MEF2D: variants seen among roughly 807,000 people sequenced by gnomAD.
The protein encoded by MEF2D is myocyte-specific enhancer factor 2D.
In MEF2D, 10 loss-of-function variants were observed where a neutral mutation model predicts 59.3. The ratio of observed to expected loss-of-function variants is 0.17; its 90% confidence interval spans 0.10 to 0.29. The LOEUF (loss-of-function observed/expected upper bound fraction) is 0.29, where lower values mean the gene tolerates loss of function less well. Ranked by LOEUF, MEF2D falls within the 10% of genes least tolerant of loss-of-function variation. MEF2D has a pLI of 1.00. For synonymous variants in MEF2D, 305 were observed against 295.0 expected (o/e 1.03, Z -0.35); for missense variants, 508 against 699.4 (o/e 0.73, Z 3.09).
rs1211510005 is a variant in MEF2D at position 156,479,604 on chromosome 1, G to C, written c.589C>G (p.Gln197Glu). 1 of 1,551,880 alleles carries C rather than the reference G, an allele frequency of 6.4e-7. No homozygotes were observed. Among genetic ancestry groups the C allele is most frequent in the South Asian group, 1.2e-5 (1 of 84,086 alleles). Residue 197 changes from glutamine (Q) to glutamate (E), a missense_variant, in exon 5 of 12, where the codon CAG becomes GAG. Gln to Glu is a conservative substitution (Grantham distance 29). Transcript: ENST00000348159. ...CACTCACCCGCACTAGCTGGCCGCT[G>C]GGGCAGGCCAGGAGACACACTGTTC... Reference protein sequence around the residue: ...QRNSVSPGLPQRPASAGAMLG... With the variant: ...QRNSVSPGLPERPASAGAMLG...
At chr1:156,482,350 G>T in intron 3 of MEF2D, 87 bp downstream of exon 3, 1 of 1,376,638 alleles carries the variant, frequency 7.3e-7, no homozygotes, top group Non-Finnish European at 1.0e-6. Context: ...GTGTGCATAG[G>T]CAGGTCTGCG....
In MEF2D at chr1:156,476,505, G is replaced by A. The variant is rs1303222348; in HGVS notation, c.865C>T (p.His289Tyr). 3 of 1,611,980 alleles carry A rather than the reference G, an allele frequency of 1.9e-6. No individual in the cohort carries two copies. Among genetic ancestry groups the A allele is most frequent in the East Asian group, 2.2e-5 (1 of 44,860 alleles). Residue 289 changes from histidine (H) to tyrosine (Y), a missense_variant, in exon 8 of 12, where the codon CAT becomes TAT. By Grantham distance (83) the His-to-Tyr change is moderately conservative. Coordinates refer to ENST00000348159, the MANE Select transcript of MEF2D (RefSeq NM_005920.4). Reference protein sequence around the residue: ...KGLMHHLTEDHLDLNNAQRLG... With the variant: ...KGLMHHLTEDYLDLNNAQRLG... The stretch of plus-strand genomic sequence containing the variant: ...ACAGCCTCACTTACCAGATCTAAAT[G>A]GTCCTCAGTCTGAGAGCAGAAATAA...
intron 1 of MEF2D, among the ~76,000 whole-genome samples, chr1:156,489,165 C>T (rs1672575734): frequency 6.6e-6 from 1 of 152,158 alleles, no homozygotes; most frequent in African/African-American, 2.4e-5. Context: ...TCTCTTCCTC[C>T]CAGGCTGCTC....
chr1:156,468,818 T>C lies in MEF2D; in HGVS notation c.1209A>G (p.Gln403=), dbSNP rs1671037453. ...QPQQPQQPPQ[Q]QSHLVPVSLS... is the part of the protein sequence containing the mutation. ...GAGATACAGGGACCAGGTGGGACTG[T>C]TGCTGAGGTGGCTGTTGCGGCTGCT... The change falls in exon 10 of 12, where the codon CAA becomes CAG. Residue 403 remains glutamine (Q), a synonymous_variant. Transcript: ENST00000348159. The surrounding 1 kb of genome is among the most constrained non-coding windows in gnomAD (Gnocchi z 4.3). 5 of 1,614,028 alleles carry C rather than the reference T, an allele frequency of 3.1e-6. No homozygotes were observed. The highest frequency in any genetic ancestry group is 1.7e-5 in the Admixed American group (1 of 59,998).
chr1:156,498,210 G>C (rs930724271), intron 1 of MEF2D, among the ~76,000 whole-genome samples: 1 of 151,924 alleles, frequency 6.6e-6, no homozygotes, highest in Admixed American at 6.5e-5. Flanking sequence ...GAGCCAAGGG[G>C]GCAGAGCCAG....
intron 1 of MEF2D, among the ~76,000 whole-genome samples, chr1:156,500,041 AG>A (rs1231950374): frequency 1.3e-5 from 2 of 152,026 alleles, no homozygotes; most frequent in African/African-American, 2.4e-5. Flanking sequence ...TTTCGGGCCA[AG>A]GAGGAGGGAA....
Position 156,467,962 on chromosome 1 carries a change from C to A in MEF2D, c.1554+31G>T, listed in dbSNP as rs28730739. 5.6e-3 allele frequency: 8,953 copies of A among 1,590,540 alleles called. 441 individuals carry two copies. The African/African-American group carries it at 0.1, about 18-fold the overall frequency. On this transcript the variant is annotated intron_variant, in intron 11 of 11. Transcript: ENST00000348159. ...GGGCAGTCCCTGGGTGTAGCAGACA[C>A]TGGCAGACAGGAGAGGTGATGCTAC...
rs766754253 is a variant in MEF2D, at chr1:156,482,521, G to A, written c.174C>T (p.Ala58=). 3.1e-6 allele frequency: 5 copies of A among 1,614,242 alleles called. No individual in the cohort carries two copies. Among genetic ancestry groups the A allele is most frequent in the Non-Finnish European group, 4.2e-6 (5 of 1,180,048 alleles). The part of the protein sequence containing the change: ...FNHSNKLFQY[A]STDMDKVLLK... ...GCAGCACCTTGTCCATGTCGGTGCT[G>A]GCGTACTGGAACAGCTTGTTGGAGT... Residue 58 remains alanine (A), a synonymous_variant, in exon 3 of 12, where the codon GCC becomes GCT. Transcript: ENST00000348159.
At chr1:156,482,286 T>C in intron 3 of MEF2D, 151 bp downstream of exon 3, 6 of 802,526 alleles carry the variant, frequency 7.5e-6, no homozygotes, top group Non-Finnish European at 1.0e-5. Flanking sequence ...AGAAGGAGGG[T>C]TTGCATGTGT....
At position 156,467,440 on chromosome 1, in the gene MEF2D, CT is replaced by C. The variant is rs1216542224; in HGVS notation, c.*204del. 4.3e-6 allele frequency: 1 copy of C among 230,410 alleles called. No homozygotes were observed. The highest frequency in any genetic ancestry group is 8.4e-6 in the Non-Finnish European group (1 of 119,032). The allele number at this position is 230,410 out of a possible 1,614,324, so 14.3% of individuals were successfully genotyped here. On this transcript the variant is annotated 3_prime_UTR_variant, in exon 12 of 12. Transcript: ENST00000348159. ...AGAAAGAGGGGATGAGAGCATCCCC[CT>C]CTCCAAAGCGAGAATCCAAATTAAA...
intron 1 of MEF2D, among the ~76,000 whole-genome samples, chr1:156,488,434 C>G (rs1313037812): frequency 6.6e-6 from 1 of 152,152 alleles, no homozygotes; most frequent in East Asian, 1.9e-4. Flanking sequence ...AAATGGACAG[C>G]AGGGAGGATG....
intron 1 of MEF2D, among the ~76,000 whole-genome samples, chr1:156,491,369 G>T (rs1362799031): frequency 1.3e-5 from 2 of 152,186 alleles, no homozygotes; most frequent in Non-Finnish European, 2.9e-5. Flanking sequence ...AGGGAGATCA[G>T]AATTGTGTAA....
rs1355355016 is a variant in MEF2D, at chr1:156,468,651, CTG to C, written c.1247+127_1247+128del. 1 of 1,446,810 alleles carries C rather than the reference CTG, an allele frequency of 6.9e-7. No homozygotes were observed. The highest frequency in any genetic ancestry group is 1.3e-5 in the South Asian group (1 of 74,924). 89.6% of individuals were successfully genotyped at this position (1,446,810 alleles called of 1,614,324 possible). ...AGGGGTGCCACTGTTGCCTAACAGA[CTG>C]TGCAGTGCACAGCCTCATAGGATGT... is the stretch of plus-strand genomic sequence containing the variant. On this transcript the variant is annotated intron_variant, in intron 10 of 11. Transcript: ENST00000348159. The surrounding 1 kb of genome is among the most constrained non-coding windows in gnomAD (Gnocchi z 4.3).
At chr1:156,489,002 G>A (rs1571261095) in intron 1 of MEF2D, among the ~76,000 whole-genome samples, 1 of 152,242 alleles carries the variant, frequency 6.6e-6, no homozygotes, top group South Asian at 2.1e-4. Flanking sequence ...GAAACTACAG[G>A]GCATCTGCTT....
chr1:156,489,338 GGCAGCCTCAA>G (rs1199204257), intron 1 of MEF2D, among the ~76,000 whole-genome samples: 2 of 152,146 alleles, frequency 1.3e-5, no homozygotes, highest in East Asian at 3.8e-4. Flanking sequence ...CCCACAGTCA[GGCAGCCTCAA>G]GCAGCCTGCT....
chr1:156,472,070 T>C (rs1157768107), intron 9 of MEF2D, among the ~76,000 whole-genome samples: 2 of 152,350 alleles, frequency 1.3e-5, no homozygotes, highest in Admixed American at 1.3e-4. Context: ...CACAAAAGAC[T>C]GTGGGCCCAA....
chr1:156,469,102 T>A, intron 9 of MEF2D, 82 bp from the exon 10 acceptor site: 1 of 1,509,764 alleles, frequency 6.6e-7, no homozygotes, highest in Non-Finnish European at 8.9e-7. Context: ...CCAGGAGGAC[T>A]GTGGGGATGA....
intron 7 of MEF2D, chr1:156,476,808 C>T (rs914025807): frequency 3.0e-6 from 2 of 675,016 alleles, no homozygotes; most frequent in Non-Finnish European, 5.0e-6. Flanking sequence ...CTTTTTACTG[C>T]CTTAGGCTGG....
intron 4 of MEF2D, 62 bp downstream of exon 4, chr1:156,480,772 C>A: frequency 6.2e-7 from 1 of 1,605,604 alleles, no homozygotes; most frequent in Non-Finnish European, 8.5e-7. Context: ...GCTTCTTGTG[C>A]AGCGCCTGGG....
Sources: gnomAD v4.1 joint callset for allele counts (sites outside exome capture counted in the v4.1 genomes callset) on GRCh38, gnomAD v4.1.1 for gene constraint, Gnocchi (gnomAD v3.1) non-coding constraint, MANE v1.5 for transcripts, NCBI Gene and HGNC (gene_info 2026-07-23, HGNC 2026-07-21) for gene names.